The following AK7 variants were observed in gnomAD, a reference collection of about 807,000 sequenced individuals.
AK7 encodes the protein adenylate kinase 7, also known as ATP-AMP transphosphorylase 7.
Under a neutral mutation model 96.6 loss-of-function variants are expected in AK7, and 78 were observed. That is an observed-to-expected ratio of 0.81 (90% CI 0.67 to 0.97). The LOEUF is 0.97. Among genes scored for constraint, AK7 ranks in the 50% least tolerant of loss-of-function variants. The pLI is 0.00. For missense variants in AK7, 855 were observed against 887.9 expected (o/e 0.96, Z 0.47); for synonymous variants, 302 against 317.2 (o/e 0.95, Z 0.51).
intron 5 of AK7, chr14:96,421,313 A>T (rs1385711707): frequency 6.3e-6 from 1 of 159,328 alleles, no homozygotes; most frequent in Non-Finnish European, 1.4e-5. Context: ...AGGAGATGGG[A>T]GCTTCCAGAG....
intron 9 of AK7, among the ~76,000 whole-genome samples, chr14:96,450,482 C>T (rs949746272): frequency 2.7e-5 from 4 of 149,244 alleles, no homozygotes; most frequent in Admixed American, 6.7e-5. Flanking sequence ...CTATTTGATA[C>T]GTAAAATGCC....
rs961832991 is a variant in AK7 at position 96,487,026 on chromosome 14, C to T, written c.2103C>T (p.Asn701=). ...TLIQGLNECC[N]VRPEDPVDFL... ...TTCAGGGCCTGAATGAATGTTGCAACGTCCGACCCGAAGACCCTGTTGATT... is the reference window on the plus strand; with the variant it reads ...TTCAGGGCCTGAATGAATGTTGCAATGTCCGACCCGAAGACCCTGTTGATT... The change falls in exon 17 of 18, where the codon AAC becomes AAT. Residue 701 remains asparagine (N), a synonymous_variant. Transcript: ENST00000267584. 41 of 1,613,854 alleles carry T rather than the reference C, an allele frequency of 2.5e-5. No homozygotes were observed. The highest frequency in any genetic ancestry group is 3.5e-5 in the Non-Finnish European group (41 of 1,180,006).
At chr14:96,451,924 G>A (rs796589397) in intron 10 of AK7, among the ~76,000 whole-genome samples, 2 of 152,068 alleles carry the variant, frequency 1.3e-5, no homozygotes, top group African/African-American at 4.8e-5. Context: ...TCGCAGTGTT[G>A]TCCATATAAA....
intron 12 of AK7, among the ~76,000 whole-genome samples, chr14:96,465,507 C>T (rs897746041): frequency 6.6e-5 from 10 of 150,712 alleles, no homozygotes; most frequent in African/African-American, 2.4e-4. Context: ...GAATTCCATA[C>T]AAATAAGGTA....
At chr14:96,447,241 A>G (rs1215294775) in intron 8 of AK7, among the ~76,000 whole-genome samples, 1 of 152,208 alleles carries the variant, frequency 6.6e-6, no homozygotes, top group Non-Finnish European at 1.5e-5. Context: ...ACTTGCCCCA[A>G]AGTATTGATA....
At chr14:96,401,587 A>T (rs1232960550) in intron 2 of AK7, among the ~76,000 whole-genome samples, 4 of 152,230 alleles carry the variant, frequency 2.6e-5, no homozygotes, top group Admixed American at 2.0e-4. Flanking sequence ...AACCACAGGG[A>T]AGACACAAAG....
At chr14:96,422,156 T>C (rs1359445750) in intron 5 of AK7, among the ~76,000 whole-genome samples, 4 of 152,136 alleles carry the variant, frequency 2.6e-5, no homozygotes, top group Non-Finnish European at 5.9e-5. Context: ...GATTATGAGG[T>C]GAGATGGTCA....
chr14:96,453,404 G>A (rs903237638), intron 10 of AK7, among the ~76,000 whole-genome samples: 2 of 152,198 alleles, frequency 1.3e-5, no homozygotes, highest in African/African-American at 2.4e-5. Flanking sequence ...ACTAAATAGG[G>A]TATGTCTGTC....
intron 6 of AK7, among the ~76,000 whole-genome samples, chr14:96,438,725 A>G (rs1157087582): frequency 6.6e-6 from 1 of 152,178 alleles, no homozygotes; most frequent in African/African-American, 2.4e-5. Context: ...CATAATCCAT[A>G]TGATATAAAA....
At chr14:96,487,903 C>T (rs1180361865) in intron 17 of AK7, 2 of 285,628 alleles carry the variant, frequency 7.0e-6, no homozygotes, top group Middle Eastern at 2.6e-3. Context: ...TGTACTTTTA[C>T]TTATTTATTT....
chr14:96,483,292 G>A, intron 16 of AK7, 73 bp downstream of exon 16: 1 of 1,457,812 alleles, frequency 6.9e-7, no homozygotes, highest in East Asian at 2.5e-5. Context: ...AGCCATTTAG[G>A]CCAGTTCCAC....
chr14:96,453,463 C>T (rs1241094953), intron 10 of AK7, among the ~76,000 whole-genome samples: 8 of 152,232 alleles, frequency 5.3e-5, no homozygotes, highest in Non-Finnish European at 1.2e-4. Context: ...AGTGTAGCCC[C>T]AGAGGTGTCA....
In AK7 at chr14:96,437,461, A is replaced by G. The variant is rs535356779; in HGVS notation, c.610-374A>G. ...CCATGTGAATTTCCATCCTTGTGTT[A>G]AGGCCCATTACCAGCTTCTTGGTTT... is the stretch of plus-strand genomic sequence containing the variant. On this transcript the variant is annotated intron_variant, in intron 5 of 17. Coordinates refer to ENST00000267584, the MANE Select transcript of AK7 (RefSeq NM_152327.5). 8.4e-4 allele frequency among the ~76,000 whole-genome samples: 128 copies of G among 152,242 alleles called. 1 individual carries two copies. Among genetic ancestry groups the G allele is most frequent in the African/African-American group, 3.0e-3 (125 of 41,544 alleles).
At chr14:96,422,932 T>G (rs1891793999) in intron 5 of AK7, among the ~76,000 whole-genome samples, 1 of 152,216 alleles carries the variant, frequency 6.6e-6, no homozygotes. Context: ...TGATTTTTCA[T>G]TCAGGGTTTT....
chr14:96,480,049 A>G (rs1189403594), intron 15 of AK7, among the ~76,000 whole-genome samples: 1 of 152,224 alleles, frequency 6.6e-6, no homozygotes, highest in Non-Finnish European at 1.5e-5. Context: ...GATGAGAGAT[A>G]CGAAGTGCCT....
intron 5 of AK7, among the ~76,000 whole-genome samples, chr14:96,433,695 C>T (rs558898444): frequency 3.8e-4 from 58 of 152,304 alleles, no homozygotes; most frequent in African/African-American, 1.3e-3. Context: ...AGTCATTCTC[C>T]GTCCAGCTTT....
chr14:96,435,977 G>C (rs1211871030), intron 5 of AK7, among the ~76,000 whole-genome samples: 1 of 152,064 alleles, frequency 6.6e-6, no homozygotes, highest in African/African-American at 2.4e-5. Flanking sequence ...GTTAAAATAG[G>C]TACTGTGAGG....
At chr14:96,420,955 T>C in intron 5 of AK7, 23 bp downstream of exon 5, 2 of 1,470,804 alleles carry the variant, frequency 1.4e-6, no homozygotes, top group Non-Finnish European at 1.9e-6. Context: ...TAGTGGAACA[T>C]GGACATCATC....
intron 12 of AK7, among the ~76,000 whole-genome samples, chr14:96,466,186 C>A (rs919115035): frequency 1.5e-4 from 23 of 151,438 alleles, no homozygotes; most frequent in African/African-American, 5.6e-4. Flanking sequence ...CCACCTCAAC[C>A]TCCCAAGTAG....
Sources: gnomAD v4.1 joint callset for allele counts (sites outside exome capture counted in the v4.1 genomes callset) on GRCh38, gnomAD v4.1.1 for gene constraint, MANE v1.5 for transcripts, NCBI Gene and HGNC (gene_info 2026-07-23, HGNC 2026-07-21) for gene names.